TRPM3: variants seen among roughly 807,000 people sequenced by gnomAD.
TRPM3 encodes the protein transient receptor potential cation channel subfamily M member 3.
Under a neutral mutation model 181.2 loss-of-function variants are expected in TRPM3, and 77 were observed. The ratio of observed to expected loss-of-function variants is 0.42; its 90% confidence interval spans 0.35 to 0.51. The LOEUF (loss-of-function observed/expected upper bound fraction) is 0.51. Among genes scored for constraint, TRPM3 ranks in the 20% least tolerant of loss-of-function variants. The pLI is 0.01. For synonymous variants in TRPM3, 745 were observed against 796.4 expected, an observed-to-expected ratio of 0.94 and a Z score of 1.09; for missense variants, 1,759 against 2,196.7, an observed-to-expected ratio of 0.80 and a Z score of 3.98.
At chr9:70,738,198 T>C (rs770144560) in intron 8 of TRPM3, among the ~76,000 whole-genome samples, 2 of 152,126 alleles carry the variant, frequency 1.3e-5, no homozygotes, top group Non-Finnish European at 2.9e-5. Flanking sequence ...GGAATAAAAT[T>C]GGAAATCAAC....
At chr9:70,998,818 G>C (rs775368141) in intron 1 of TRPM3, among the ~76,000 whole-genome samples, 5 of 152,130 alleles carry the variant, frequency 3.3e-5, no homozygotes, top group Non-Finnish European at 7.4e-5. Context: ...GGAAGTCCTA[G>C]AACTGCATTT....
At chr9:71,131,663 G>A (rs2074383529) in intron 1 of TRPM3, among the ~76,000 whole-genome samples, 2 of 152,154 alleles carry the variant, frequency 1.3e-5, no homozygotes, top group Admixed American at 1.3e-4. Flanking sequence ...ACTCTACAGT[G>A]CCCTTTTGCT....
intron 1 of TRPM3, among the ~76,000 whole-genome samples, chr9:70,939,611 A>G (rs1171731724): frequency 1.3e-5 from 2 of 152,234 alleles, no homozygotes; most frequent in Non-Finnish European, 2.9e-5. Flanking sequence ...GAAAGATTGA[A>G]AAGAGAAATA....
chr9:70,619,537 C>T (rs1475527030), intron 16 of TRPM3, among the ~76,000 whole-genome samples: 1 of 150,486 alleles, frequency 6.6e-6, no homozygotes, highest in Admixed American at 6.7e-5. Flanking sequence ...CCTTAGCTTC[C>T]TGAGCAGCTA....
chr9:70,920,763 C>T (rs2133273652), intron 1 of TRPM3, among the ~76,000 whole-genome samples: 1 of 152,158 alleles, frequency 6.6e-6, no homozygotes, highest in South Asian at 2.1e-4. Context: ...TAAATGGAAT[C>T]AATATGAAAA....
chr9:71,310,854 T>C (rs1040261723), intron 1 of TRPM3, among the ~76,000 whole-genome samples: 27 of 152,088 alleles, frequency 1.8e-4, no homozygotes, highest in Non-Finnish European at 3.5e-4. Flanking sequence ...CTTAACCTGA[T>C]GATAAAACAG....
chr9:70,604,748 G>C (rs1404327144), intron 19 of TRPM3, among the ~76,000 whole-genome samples: 1 of 151,282 alleles, frequency 6.6e-6, no homozygotes, highest in African/African-American at 2.4e-5. Context: ...CTGGGCTCAG[G>C]TAATTCTCCT....
chr9:71,029,232 A>C (rs11791371), intron 1 of TRPM3, among the ~76,000 whole-genome samples: 97 of 152,324 alleles, frequency 6.4e-4, no homozygotes, highest in Non-Finnish European at 1.1e-3. Context: ...CACTATCCAA[A>C]TTCACAGACC....
intron 1 of TRPM3, among the ~76,000 whole-genome samples, chr9:71,179,456 G>A (rs893948040): frequency 2.0e-5 from 3 of 152,116 alleles, no homozygotes; most frequent in Non-Finnish European, 2.9e-5. Context: ...GTCTGTGTTT[G>A]ACTTTGCTTT....
At chr9:71,431,793 T>C (rs1230289529) in intron 1 of TRPM3, among the ~76,000 whole-genome samples, 2 of 152,334 alleles carry the variant, frequency 1.3e-5, no homozygotes, top group East Asian at 1.9e-4. Context: ...TAAGAGATCA[T>C]TGAAACAGCC....
At chr9:70,782,276 G>T (rs2082629239) in intron 7 of TRPM3, among the ~76,000 whole-genome samples, 1 of 151,452 alleles carries the variant, frequency 6.6e-6, no homozygotes, top group African/African-American at 2.4e-5. Context: ...CACAATCTTG[G>T]CTCACTGCAA....
intron 8 of TRPM3, chr9:70,761,015 A>G (rs1675351427): frequency 6.2e-6 from 1 of 162,232 alleles, no homozygotes; most frequent in Admixed American, 6.0e-5. Flanking sequence ...TTCTTGTTAA[A>G]TGTTTGAGTA....
intron 22 of TRPM3, among the ~76,000 whole-genome samples, chr9:70,558,564 C>G (rs1306473435): frequency 6.6e-6 from 1 of 152,134 alleles, no homozygotes. Context: ...AGTAAAGGGC[C>G]TATACTGATA....
chr9:71,401,985 TATC>T (rs1429931020), intron 1 of TRPM3, among the ~76,000 whole-genome samples: 1 of 152,216 alleles, frequency 6.6e-6, no homozygotes, highest in African/African-American at 2.4e-5. Context: ...TACCATGTAT[TATC>T]AGTGTGTAAT....
intron 1 of TRPM3, among the ~76,000 whole-genome samples, chr9:71,001,753 T>C (rs1257214115): frequency 6.6e-6 from 1 of 152,254 alleles, no homozygotes; most frequent in Non-Finnish European, 1.5e-5. Flanking sequence ...GCTGTTTGAA[T>C]TTCTAAACCT....
chr9:71,305,552 T>C (rs1346807424), intron 1 of TRPM3, among the ~76,000 whole-genome samples: 3 of 152,224 alleles, frequency 2.0e-5, no homozygotes, highest in African/African-American at 7.2e-5. Flanking sequence ...TCTGACTAGA[T>C]GGAGTTACAA....
intron 1 of TRPM3, among the ~76,000 whole-genome samples, chr9:71,164,259 A>C (rs781133299): frequency 1.3e-5 from 2 of 152,216 alleles, no homozygotes; most frequent in Non-Finnish European, 2.9e-5. Context: ...TGTTTTAACA[A>C]TTTGAAATGG....
At chr9:71,139,734 A>C (rs1201468941) in intron 1 of TRPM3, among the ~76,000 whole-genome samples, 1 of 152,216 alleles carries the variant, frequency 6.6e-6, no homozygotes, top group Non-Finnish European at 1.5e-5. Context: ...GCTAAGAAAT[A>C]ATAATAATCC....
intron 1 of TRPM3, among the ~76,000 whole-genome samples, chr9:71,261,916 C>T (rs1428383599): frequency 6.6e-6 from 1 of 152,126 alleles, no homozygotes; most frequent in African/African-American, 2.4e-5. Context: ...CCAGTGGGAG[C>T]TCTCATGTAT....
Sources: allele counts gnomAD v4.1 joint callset (sites outside exome capture counted in the v4.1 genomes callset), GRCh38; gene constraint gnomAD v4.1.1; transcripts MANE v1.5; gene names NCBI Gene and HGNC (gene_info 2026-07-23, HGNC 2026-07-21).